Variants in HIF1AN observed in about 807,000 individuals in gnomAD.
HIF1AN encodes hypoxia-inducible factor 1-alpha inhibitor.
Under a neutral mutation model 47.7 loss-of-function variants are expected in HIF1AN, and 21 were observed. That is an observed-to-expected ratio of 0.44 (90% CI 0.31 to 0.63). The LOEUF (loss-of-function observed/expected upper bound fraction) is 0.63. Ranked by LOEUF, HIF1AN falls within the 30% of genes least tolerant of loss-of-function variation. HIF1AN has a pLI of 0.07. For missense variants in HIF1AN, 320 were observed against 432.7 expected (o/e 0.74, Z 2.31); for synonymous variants, 152 against 155.9 (o/e 0.98, Z 0.18).
intron 2 of HIF1AN, among the ~76,000 whole-genome samples, chr10:100,537,536 GT>G (rs1852239691): frequency 6.6e-6 from 1 of 152,218 alleles, no homozygotes; most frequent in South Asian, 2.1e-4. Flanking sequence ...GATTAAATTT[GT>G]TTTTCCTATC....
rs1843166750 is a variant in HIF1AN, at chr10:100,552,035, CTG to C, written c.*3899_*3900del. The C allele has an allele frequency of 6.6e-6, 1 of 152,222 alleles. No homozygotes were observed. The highest frequency in any genetic ancestry group is 1.5e-5 in the Non-Finnish European group (1 of 68,094). The allele number at this position is 152,222 out of a possible 1,614,324, so 9.4% of individuals were successfully genotyped here. A position where few individuals can be genotyped will look rare whatever the true frequency, so the allele number is the denominator to read the frequency against. ...GCTGTGTGGAGGGGCTCTGAGGCCT[CTG>C]AGGCCAGATGTGTAAACAGTGCTGA... On this transcript the variant is annotated 3_prime_UTR_variant, in exon 8 of 8. Coordinates refer to ENST00000299163, the MANE Select transcript of HIF1AN (RefSeq NM_017902.3).
At position 100,559,627 on chromosome 10, in the gene HIF1AN, C is replaced by G. The variant is rs1319869974; in HGVS notation, c.*11490C>G. ...GAGACAGGGGCCTCACTTCATTGCC[C>G]AGGCGGATCTCGAACACCTGGGCTC... On this transcript the variant is annotated 3_prime_UTR_variant, in exon 8 of 8. Coordinates refer to ENST00000299163, the MANE Select transcript of HIF1AN (RefSeq NM_017902.3). The G allele has an allele frequency of 6.6e-6, 1 of 152,128 alleles. No homozygotes were observed. Among genetic ancestry groups the G allele is most frequent in the Non-Finnish European group, 1.5e-5 (1 of 68,026 alleles). 9.4% of individuals were successfully genotyped at this position (152,128 alleles called of 1,614,324 possible). A position where few individuals can be genotyped will look rare whatever the true frequency, so the allele number is the denominator to read the frequency against.
chr10:100,539,660 T>C lies in HIF1AN; in HGVS notation c.429-974T>C, dbSNP rs1211659446. On this transcript the variant is annotated intron_variant, in intron 2 of 7. Transcript: ENST00000299163. ...AGTTGCTGTGGCAGAAGGAAAGAGA[T>C]GTGGTAGTGGTAACTTGTTCTTAAA... 3.3e-5 allele frequency among the ~76,000 whole-genome samples: 5 copies of C among 152,176 alleles called. No individual in the cohort carries two copies. In the East Asian group the frequency reaches 9.6e-4, roughly 29 times the overall value.
intron 4 of HIF1AN, 129 bp downstream of exon 4, chr10:100,545,225 C>A: frequency 1.1e-6 from 1 of 948,070 alleles, no homozygotes; most frequent in East Asian, 2.5e-5. Context: ...CTTAACACAC[C>A]AAGAGGGTAA....
At chr10:100,546,440 G>GCCCCCCCCCC in intron 5 of HIF1AN, 78 bp from the exon 6 acceptor site, 1 of 750,772 alleles carries the variant, frequency 1.3e-6, no homozygotes, top group Non-Finnish European at 2.2e-6. Context: ...GCCCAACCCT[G>GCCCCCCCCCC]CCACCCCCCC....
At position 100,536,516 on chromosome 10, in the gene HIF1AN, G is replaced by GC. The variant is rs1304700379; in HGVS notation, c.285dup (p.Ser96GlnfsTer9). ...CAATGGAGACTTCTCTGTGTACAGT[G>GC]CCAGCACCCACAAGTTCTTGTACTA... On this transcript the variant is annotated frameshift_variant, in exon 2 of 8. Transcript: ENST00000299163. LOFTEE classifies it high-confidence loss of function. 1.2e-6 allele frequency: 2 copies of GC among 1,614,128 alleles called. No homozygotes were observed. Among genetic ancestry groups the GC allele is most frequent in the South Asian group, 2.2e-5 (2 of 91,078 alleles).
At chr10:100,536,876 G>A (rs1357088353) in intron 2 of HIF1AN, among the ~76,000 whole-genome samples, 1 of 152,124 alleles carries the variant, frequency 6.6e-6, no homozygotes, top group South Asian at 2.1e-4. Context: ...TAGCTTGAGG[G>A]ATGAGGGAAT....
At chr10:100,541,803 G>A (rs1274179353) in intron 3 of HIF1AN, among the ~76,000 whole-genome samples, 2 of 152,182 alleles carry the variant, frequency 1.3e-5, no homozygotes, top group Admixed American at 1.3e-4. Flanking sequence ...TCAGGGATAC[G>A]TTCTGAGAAA....
intron 6 of HIF1AN, among the ~76,000 whole-genome samples, chr10:100,546,924 G>A: frequency 6.6e-6 from 1 of 152,046 alleles, no homozygotes; most frequent in East Asian, 1.9e-4. Flanking sequence ...ATCTTTAGTA[G>A]AGATGGGGTT....
intron 4 of HIF1AN, 70 bp downstream of exon 4, chr10:100,545,166 C>T (rs1843081897): frequency 2.0e-6 from 3 of 1,526,288 alleles, no homozygotes; most frequent in Non-Finnish European, 9.0e-7. Context: ...GAATGTCTTT[C>T]CCCTTCCCCG....
Position 100,555,521 on chromosome 10 carries a change from C to T in HIF1AN, c.*7384C>T, listed in dbSNP as rs1265411112. 1 of 152,306 alleles carries T rather than the reference C, an allele frequency of 6.6e-6. No individual in the cohort carries two copies. The highest frequency in any genetic ancestry group is 2.4e-5 in the African/African-American group (1 of 41,444). 9.4% of individuals were successfully genotyped at this position (152,306 alleles called of 1,614,324 possible). On this transcript the variant is annotated 3_prime_UTR_variant, in exon 8 of 8. Coordinates refer to ENST00000299163, the MANE Select transcript of HIF1AN (RefSeq NM_017902.3). ...ATCCCCACGCCCAGCCACCTCTCCT[C>T]CTCACTATAAGCCAAGTCTCCCTGC...
intron 2 of HIF1AN, among the ~76,000 whole-genome samples, chr10:100,539,667 G>A (rs539185649): frequency 6.6e-6 from 1 of 152,366 alleles, no homozygotes; most frequent in South Asian, 2.1e-4. Context: ...AGATGTGGTA[G>A]TGGTAACTTG....
rs1367364694 is a variant in HIF1AN, at chr10:100,551,190, G to A, written c.*3053G>A. The A allele has an allele frequency of 1.3e-5, 2 of 152,334 alleles. No individual in the cohort carries two copies. Among genetic ancestry groups the A allele is most frequent in the African/African-American group, 2.4e-5 (1 of 41,578 alleles). 9.4% of individuals were successfully genotyped at this position (152,334 alleles called of 1,614,324 possible). A position where few individuals can be genotyped will look rare whatever the true frequency, so the allele number is the denominator to read the frequency against. ...GCAGATGCCCAGGATGCCTGGGGGA[G>A]ACCAGCTTCCCCTACAAATCAGAGC... is the stretch of plus-strand genomic sequence containing the variant. On this transcript the variant is annotated 3_prime_UTR_variant, in exon 8 of 8. Coordinates refer to ENST00000299163, the MANE Select transcript of HIF1AN (RefSeq NM_017902.3).
chr10:100,552,687 C>T lies in HIF1AN; in HGVS notation c.*4550C>T, dbSNP rs1276632476. The T allele has an allele frequency of 1.3e-5, 2 of 152,422 alleles. No individual in the cohort carries two copies. Among genetic ancestry groups the T allele is most frequent in the African/African-American group, 2.4e-5 (1 of 41,452 alleles). 9.4% of individuals were successfully genotyped at this position (152,422 alleles called of 1,614,324 possible). A position where few individuals can be genotyped will look rare whatever the true frequency, so the allele number is the denominator to read the frequency against. ...CTTTTTCCTAAACAGTTGTCCTTCC[C>T]TCAGAAACTCCATGGCTGCAAGTGT... On this transcript the variant is annotated 3_prime_UTR_variant, in exon 8 of 8. Transcript: ENST00000299163.
rs2133732362 is a variant in HIF1AN, at chr10:100,550,135, TC to T, written c.*2000del. The T allele has an allele frequency of 6.6e-6, 1 of 152,302 alleles. No homozygotes were observed. The highest frequency in any genetic ancestry group is 6.5e-5 in the Admixed American group (1 of 15,298). 9.4% of individuals were successfully genotyped at this position (152,302 alleles called of 1,614,324 possible). ...GTTCTCCTCAGCAGGTCTGCTGTAT[TC>T]CTCGCTCAGCGCTCAAAGATGTGGG... On this transcript the variant is annotated 3_prime_UTR_variant, in exon 8 of 8. Transcript: ENST00000299163.
intron 3 of HIF1AN, among the ~76,000 whole-genome samples, chr10:100,541,937 A>G (rs1023684181): frequency 6.6e-6 from 1 of 152,206 alleles, no homozygotes; most frequent in East Asian, 1.9e-4. Flanking sequence ...CATGTACTAC[A>G]TGGTGTTAGC....
rs756601028 is a variant in HIF1AN, at chr10:100,557,992, A to AG, written c.*9856dup. The AG allele has an allele frequency of 6.6e-6, 1 of 152,292 alleles. No homozygotes were observed. Among genetic ancestry groups the AG allele is most frequent in the Non-Finnish European group, 1.5e-5 (1 of 68,132 alleles). The allele number at this position is 152,292 out of a possible 1,614,324, so 9.4% of individuals were successfully genotyped here. The stretch of plus-strand genomic sequence containing the variant: ...AGGAGAGATCAGTTCTGTAAGAGGG[A>AG]GCATGAGTGTGAATGGGGAAGAATC... On this transcript the variant is annotated 3_prime_UTR_variant, in exon 8 of 8. Transcript: ENST00000299163.
chr10:100,546,109 G>C (rs756003106), intron 5 of HIF1AN, 60 bp downstream of exon 5: 3 of 1,164,684 alleles, frequency 2.6e-6, no homozygotes, highest in Admixed American at 1.8e-5. Context: ...TCCCTGGAAA[G>C]CCTTGTCTGT....
In HIF1AN at chr10:100,559,922, G is replaced by A. The variant is rs1196685980; in HGVS notation, c.*11785G>A. 6.6e-6 allele frequency: 1 copy of A among 152,170 alleles called. No individual in the cohort carries two copies. The highest frequency in any genetic ancestry group is 1.9e-4 in the East Asian group (1 of 5,194). The allele number at this position is 152,170 out of a possible 1,614,324, so 9.4% of individuals were successfully genotyped here. A position where few individuals can be genotyped will look rare whatever the true frequency, so the allele number is the denominator to read the frequency against. ...GCTAGTCCAGTCGGCCACAGACATG[G>A]TTTTGTTTGGCCAATACAAGTTTTT... On this transcript the variant is annotated 3_prime_UTR_variant, in exon 8 of 8. Transcript: ENST00000299163.
Sources: gnomAD v4.1 joint callset for allele counts (sites outside exome capture counted in the v4.1 genomes callset) on GRCh38, gnomAD v4.1.1 for gene constraint, MANE v1.5 for transcripts, NCBI Gene and HGNC (gene_info 2026-07-23, HGNC 2026-07-21) for gene names.